ZNF609: variants seen among roughly 807,000 people sequenced by gnomAD.
ZNF609 encodes the protein zinc finger protein 609.
A neutral mutation model predicts 109.5 loss-of-function variants in ZNF609; 11 were observed. The ratio of observed to expected loss-of-function variants is 0.10; its 90% CI spans 0.06 to 0.17. The LOEUF (loss-of-function observed/expected upper bound fraction) is 0.17. ZNF609 is among the 10% of genes least tolerant of loss of function. ZNF609 has a pLI of 1.00. For synonymous variants in ZNF609, 646 were observed against 662.0 expected (o/e 0.98, Z 0.37); for missense variants, 1,559 against 1,772.4 (o/e 0.88, Z 2.16).
intron 2 of ZNF609, among the ~76,000 whole-genome samples, chr15:64,533,711 A>G (rs913972670): frequency 2.0e-5 from 3 of 152,068 alleles, no homozygotes; most frequent in African/African-American, 4.8e-5. Flanking sequence ...TTTGCTTTCA[A>G]TTGACAGTTT....
At chr15:64,603,136 A>G (rs1298256195) in intron 2 of ZNF609, among the ~76,000 whole-genome samples, 1 of 151,856 alleles carries the variant, frequency 6.6e-6, no homozygotes, top group African/African-American at 2.4e-5. Context: ...TCTCGCTTTT[A>G]TTCCACCAAT....
At chr15:64,617,079 A>G (rs1483271677) in intron 2 of ZNF609, among the ~76,000 whole-genome samples, 1 of 152,036 alleles carries the variant, frequency 6.6e-6, no homozygotes, top group Non-Finnish European at 1.5e-5. Context: ...AAGTGCTGGG[A>G]TTACAGGCGT....
intron 2 of ZNF609, among the ~76,000 whole-genome samples, chr15:64,604,198 T>C (rs72742950): frequency 0.048 from 7,325 of 152,256 alleles, 234 homozygotes; most frequent in South Asian, 0.086. Flanking sequence ...TATAGTATAA[T>C]GGTTACACCA....
intron 2 of ZNF609, among the ~76,000 whole-genome samples, chr15:64,525,241 A>C (rs912263109): frequency 2.6e-5 from 4 of 152,098 alleles, no homozygotes; most frequent in Admixed American, 6.6e-5. Context: ...ATCCATTTTG[A>C]GTTAATTTTT....
chr15:64,546,841 A>C (rs1595714107), intron 2 of ZNF609, among the ~76,000 whole-genome samples: 1 of 130,490 alleles, frequency 7.7e-6, no homozygotes, highest in African/African-American at 3.0e-5. Flanking sequence ...CCCAGGCTGG[A>C]GTGCAGTGGC....
chr15:64,575,380 C>T (rs999046371), intron 2 of ZNF609, among the ~76,000 whole-genome samples: 3 of 150,988 alleles, frequency 2.0e-5, no homozygotes, highest in Non-Finnish European at 4.4e-5. Flanking sequence ...GCCTAGATCG[C>T]ACCATTGCAC....
In ZNF609 at chr15:64,680,846, C is replaced by A; in HGVS notation, c.4146C>A (p.Asn1382Lys). The A allele has an allele frequency of 6.2e-7, 1 of 1,611,226 alleles. No homozygotes were observed. Among genetic ancestry groups the A allele is most frequent in the Non-Finnish European group, 8.5e-7 (1 of 1,180,004 alleles). The part of the protein sequence containing the change: ...LGYSLLPAQY[N>K]LPYAAGLSST... The stretch of plus-strand genomic sequence containing the variant: ...ACTCATTGCTCCCAGCACAGTACAA[C>A]TTACCCTATGCAGCAGGTAAGCCTG... The change falls in exon 8 of 10, where the codon AAC (asparagine) becomes AAA (lysine). Residue 1382 changes from asparagine to lysine, a missense_variant. This residue lies in a region of ZNF609 where 1,204 missense variants were observed against 1,314.1 expected (regional missense o/e 0.92). Transcript: ENST00000326648.
intron 3 of ZNF609, among the ~76,000 whole-genome samples, chr15:64,625,171 TA>T (rs1320143393): frequency 6.6e-6 from 1 of 152,190 alleles, no homozygotes; most frequent in African/African-American, 2.4e-5. Context: ...TCTACTGTGT[TA>T]GAAGTTCTGA....
chr15:64,649,396 ACTCT>A (rs145430268), intron 3 of ZNF609, among the ~76,000 whole-genome samples: 2 of 150,544 alleles, frequency 1.3e-5, no homozygotes, highest in Middle Eastern at 3.4e-3. Flanking sequence ...ACACTCTCAC[ACTCT>A]CTCTCACACA....
intron 2 of ZNF609, among the ~76,000 whole-genome samples, chr15:64,536,916 GAAAAAAAAAAAA>G (rs60594462): frequency 3.6e-5 from 2 of 55,400 alleles, no homozygotes; most frequent in South Asian, 8.7e-4. Flanking sequence ...TCTCAAAAAA[GAAAAAAAAAAAA>G]AAAAAAAAAA....
chr15:64,656,194 G>A (rs925777539), intron 3 of ZNF609, among the ~76,000 whole-genome samples: 1 of 151,986 alleles, frequency 6.6e-6, no homozygotes, highest in African/African-American at 2.4e-5. Flanking sequence ...CTCCCAAGTA[G>A]CTGGGATTAC....
chr15:64,556,134 G>GCA (rs1229855864), intron 2 of ZNF609, among the ~76,000 whole-genome samples: 38 of 144,780 alleles, frequency 2.6e-4, no homozygotes, highest in Middle Eastern at 3.4e-3. Flanking sequence ...GGGACCACAG[G>GCA]CACACACACC....
At chr15:64,560,282 G>C (rs888963137) in intron 2 of ZNF609, among the ~76,000 whole-genome samples, 46 of 151,782 alleles carry the variant, frequency 3.0e-4, no homozygotes, top group African/African-American at 9.9e-4. Flanking sequence ...TCTTGACCTC[G>C]TGATCTGCCC....
chr15:64,647,457 G>A (rs560659581), intron 3 of ZNF609, among the ~76,000 whole-genome samples: 31 of 151,948 alleles, frequency 2.0e-4, no homozygotes, highest in Admixed American at 9.2e-4. Flanking sequence ...AAGAGGAAAA[G>A]AATAAATTAC....
rs2083213737 is a variant in ZNF609 at position 64,682,154 on chromosome 15, A to G, written c.*468A>G. ...CATACCCCTCACCATCATTACCACC[A>G]TCACCAGATTCTGCATCTCCCTAGT... On this transcript the variant is annotated 3_prime_UTR_variant, in exon 10 of 10. Transcript: ENST00000326648. 6.6e-6 allele frequency: 1 copy of G among 151,902 alleles called. No individual in the cohort carries two copies. The highest frequency in any genetic ancestry group is 2.4e-5 in the African/African-American group (1 of 41,272). 9.4% of individuals were successfully genotyped at this position (151,902 alleles called of 1,614,324 possible).
chr15:64,462,843 A>G (rs1892962313), intron 1 of ZNF609, among the ~76,000 whole-genome samples: 1 of 152,192 alleles, frequency 6.6e-6, no homozygotes, highest in Admixed American at 6.5e-5. Flanking sequence ...TTTTTGAAAA[A>G]ATGTATGGGT....
intron 1 of ZNF609, among the ~76,000 whole-genome samples, chr15:64,498,721 G>C (rs1893517354): frequency 6.6e-6 from 1 of 152,180 alleles, no homozygotes; most frequent in East Asian, 1.9e-4. Context: ...CCCCTGTCCT[G>C]AAGTTGCATT....
At chr15:64,600,428 C>T (rs376819802) in intron 2 of ZNF609, among the ~76,000 whole-genome samples, 20 of 123,566 alleles carry the variant, frequency 1.6e-4, no homozygotes, top group African/African-American at 5.0e-4. Flanking sequence ...CCAGCCTGGG[C>T]GACAGTGCGA....
chr15:64,608,897 C>A (rs1468700087), intron 2 of ZNF609, among the ~76,000 whole-genome samples: 1 of 151,898 alleles, frequency 6.6e-6, no homozygotes, highest in East Asian at 1.9e-4. Context: ...TGCAACCATG[C>A]CCAGCTAATT....
Sources: gnomAD v4.1 joint callset for allele counts (sites outside exome capture counted in the v4.1 genomes callset) on GRCh38, gnomAD v4.1.1 for gene constraint, gnomAD v4.1.1 regional missense constraint, MANE v1.5 for transcripts, NCBI Gene and HGNC (gene_info 2026-07-23, HGNC 2026-07-21) for gene names.